RNF130: variants seen among roughly 807,000 people sequenced by gnomAD.
The protein encoded by RNF130 is E3 ubiquitin-protein ligase RNF130.
Under a neutral mutation model 44.6 loss-of-function variants are expected in RNF130, and 21 were observed. The observed-to-expected ratio is 0.47, with a 90% CI of 0.33 to 0.68. The LOEUF (loss-of-function observed/expected upper bound fraction) is 0.68, where lower values mean the gene tolerates loss of function less well. Ranked by LOEUF, RNF130 falls within the 30% of genes least tolerant of loss-of-function variation. The probability of loss-of-function intolerance (pLI) is 0.02; values close to 1 mark genes in which losing one functional copy is unlikely to be tolerated. For synonymous variants in RNF130, 214 were observed against 210.4 expected, an observed-to-expected ratio of 1.02 and a Z score of -0.15; for missense variants, 479 against 560.6, an observed-to-expected ratio of 0.85 and a Z score of 1.47.
At chr5:180,044,625 A>G (rs1331211447) in intron 1 of RNF130, among the ~76,000 whole-genome samples, 1 of 152,136 alleles carries the variant, frequency 6.6e-6, no homozygotes, top group Non-Finnish European at 1.5e-5. Context: ...TGGGGTCATG[A>G]GTTCGAGACC....
At chr5:180,025,384 A>G (rs1397569654) in intron 2 of RNF130, among the ~76,000 whole-genome samples, 3 of 152,262 alleles carry the variant, frequency 2.0e-5, no homozygotes, top group East Asian at 3.8e-4. Context: ...AAGACAAAAA[A>G]GTAAATCAAG....
At chr5:180,026,401 A>G (rs1561697896) in intron 2 of RNF130, among the ~76,000 whole-genome samples, 1 of 152,366 alleles carries the variant, frequency 6.6e-6, no homozygotes, top group East Asian at 1.9e-4. Context: ...TCAGACAAGT[A>G]TGCATTATTG....
intron 2 of RNF130, among the ~76,000 whole-genome samples, chr5:180,025,391 C>G (rs1327595429): frequency 6.6e-6 from 1 of 152,192 alleles, no homozygotes; most frequent in Non-Finnish European, 1.5e-5. Flanking sequence ...AAAAGTAAAT[C>G]AAGTGACAAC....
At chr5:180,060,701 T>C (rs1241459875) in intron 1 of RNF130, among the ~76,000 whole-genome samples, 1 of 152,184 alleles carries the variant, frequency 6.6e-6, no homozygotes, top group African/African-American at 2.4e-5. Context: ...CGTAGTCTTC[T>C]GGAGAAAGGT....
chr5:180,002,445 A>G (rs1763365077), intron 3 of RNF130, among the ~76,000 whole-genome samples: 1 of 152,194 alleles, frequency 6.6e-6, no homozygotes, highest in South Asian at 2.1e-4. Flanking sequence ...GACACACTTC[A>G]GTCACAGCTC....
At chr5:179,968,667 TAAAAAAAAA>T (rs35941932) in intron 6 of RNF130, among the ~76,000 whole-genome samples, 4 of 68,106 alleles carry the variant, frequency 5.9e-5, no homozygotes, top group African/African-American at 9.2e-5. Context: ...CTCTGTCTCA[TAAAAAAAAA>T]AAAAAAAAAA....
chr5:179,973,274 C>G (rs1762627654), intron 5 of RNF130, among the ~76,000 whole-genome samples: 1 of 152,126 alleles, frequency 6.6e-6, no homozygotes, highest in Non-Finnish European at 1.5e-5. Context: ...ACCCATGGCC[C>G]TCCTCTCCTG....
chr5:179,993,212 C>T (rs549434417), intron 3 of RNF130, among the ~76,000 whole-genome samples: 7 of 152,258 alleles, frequency 4.6e-5, no homozygotes, highest in East Asian at 3.9e-4. Context: ...TATAGCAGCA[C>T]GATTTATAGT....
At chr5:179,928,786 G>T in intron 7 of RNF130, among the ~76,000 whole-genome samples, 1 of 151,976 alleles carries the variant, frequency 6.6e-6, no homozygotes, top group Admixed American at 6.6e-5. Flanking sequence ...CCACCACCAC[G>T]CCTGGCTAAT....
rs760520677 is a variant in RNF130 at position 179,990,203 on chromosome 5, C to T, written c.694-10003G>A. On this transcript the variant is annotated intron_variant, in intron 3 of 8. Coordinates refer to ENST00000521389, the MANE Select transcript of RNF130 (RefSeq NM_018434.6). ...TGGCTGCACTGTTATTTATTGGATA[C>T]AAAGTAAAAGGGGCAGGGTAAAGAG... is the stretch of plus-strand genomic sequence containing the variant. Among the ~76,000 whole-genome samples, 5 of 152,086 alleles carry T rather than the reference C, an allele frequency of 3.3e-5. No individual in the cohort carries two copies. The South Asian group carries it at 1.0e-3, about 32-fold the overall frequency.
intron 7 of RNF130, among the ~76,000 whole-genome samples, chr5:179,936,401 A>AT (rs1305871002): frequency 6.6e-6 from 1 of 151,850 alleles, no homozygotes; most frequent in African/African-American, 2.4e-5. Context: ...TTATATTTTA[A>AT]TTTTTTTTGT....
intron 7 of RNF130, among the ~76,000 whole-genome samples, chr5:179,938,230 T>C (rs1204679649): frequency 6.6e-6 from 1 of 152,130 alleles, no homozygotes; most frequent in Admixed American, 6.6e-5. Context: ...AGTACTGGGA[T>C]CACAGGCACG....
At chr5:180,059,363 C>G (rs566764362) in intron 1 of RNF130, among the ~76,000 whole-genome samples, 1 of 152,286 alleles carries the variant, frequency 6.6e-6, no homozygotes, top group African/African-American at 2.4e-5. Flanking sequence ...ATTAAATAAT[C>G]GTGTTATGAC....
intron 2 of RNF130, among the ~76,000 whole-genome samples, chr5:180,036,895 T>C (rs1343210427): frequency 6.6e-6 from 1 of 152,228 alleles, no homozygotes; most frequent in East Asian, 1.9e-4. Flanking sequence ...TCCTATTTCC[T>C]TTCTTCCCTC....
chr5:180,013,642 T>C (rs900123164), intron 2 of RNF130, among the ~76,000 whole-genome samples: 2 of 152,206 alleles, frequency 1.3e-5, no homozygotes, highest in Admixed American at 6.5e-5. Flanking sequence ...CATAACATTA[T>C]ACAGCAAGAG....
At chr5:180,028,589 C>T (rs1764048079) in intron 2 of RNF130, among the ~76,000 whole-genome samples, 1 of 152,234 alleles carries the variant, frequency 6.6e-6, no homozygotes, top group African/African-American at 2.4e-5. Context: ...AACACTACAG[C>T]TGATCCCGCT....
At chr5:180,049,378 C>G (rs1371157527) in intron 1 of RNF130, among the ~76,000 whole-genome samples, 1 of 152,182 alleles carries the variant, frequency 6.6e-6, no homozygotes, top group Non-Finnish European at 1.5e-5. Context: ...GGGAAATCAT[C>G]TTTATTTCTG....
At chr5:180,010,048 C>T (rs1196529848) in intron 3 of RNF130, among the ~76,000 whole-genome samples, 1 of 151,944 alleles carries the variant, frequency 6.6e-6, no homozygotes, top group East Asian at 1.9e-4. Context: ...GAGATCGAGA[C>T]CATCCTGGCT....
intron 7 of RNF130, among the ~76,000 whole-genome samples, chr5:179,932,798 T>G (rs540061533): frequency 1.6e-4 from 25 of 152,138 alleles, no homozygotes; most frequent in Admixed American, 1.4e-3. Context: ...ATTGTACCAC[T>G]GCACTCCAGC....
Sources: allele counts gnomAD v4.1 joint callset (sites outside exome capture counted in the v4.1 genomes callset), GRCh38; gene constraint gnomAD v4.1.1; transcripts MANE v1.5; gene names NCBI Gene and HGNC (gene_info 2026-07-23, HGNC 2026-07-21).